CNTNAP5: variants seen among roughly 807,000 people sequenced by gnomAD.
CNTNAP5 encodes the protein contactin associated protein family member 5, also known as contactin-associated protein-like 5.
Under a neutral mutation model 150.2 loss-of-function variants are expected in CNTNAP5, and 72 were observed. The observed-to-expected ratio is 0.48, with a 90% CI of 0.40 to 0.58. The LOEUF (loss-of-function observed/expected upper bound fraction) is 0.58. Ranked by LOEUF, CNTNAP5 falls within the 20% of genes least tolerant of loss-of-function variation. The pLI is 0.00. For missense variants in CNTNAP5, 1,636 were observed against 1,626.2 expected (o/e 1.01, Z -0.10); for synonymous variants, 672 against 619.8 (o/e 1.08, Z -1.25).
intron 17 of CNTNAP5, among the ~76,000 whole-genome samples, chr2:124,773,286 A>T (rs1051030106): frequency 6.6e-6 from 1 of 151,964 alleles, no homozygotes; most frequent in African/African-American, 2.4e-5. Context: ...ATGCCCAGGG[A>T]CCCCTTTTGT....
intron 3 of CNTNAP5, among the ~76,000 whole-genome samples, chr2:124,347,860 T>G (rs993050585): frequency 1.2e-4 from 18 of 151,634 alleles, no homozygotes; most frequent in Non-Finnish European, 2.6e-4. Context: ...AGTCTTGCTC[T>G]GTCACCCAGG....
intron 2 of CNTNAP5, among the ~76,000 whole-genome samples, chr2:124,230,907 T>TTC (rs1312005705): frequency 6.6e-6 from 1 of 152,144 alleles, no homozygotes; most frequent in Non-Finnish European, 1.5e-5. Context: ...TGAACCACCC[T>TTC]TCTCTCTTTT....
At chr2:124,898,963 C>A (rs541102490) in intron 21 of CNTNAP5, among the ~76,000 whole-genome samples, 1 of 151,440 alleles carries the variant, frequency 6.6e-6, no homozygotes, top group African/African-American at 2.4e-5. Flanking sequence ...ATTCAAGGGA[C>A]CTATTGTGCA....
At chr2:124,416,359 C>CTT (rs35184768) in intron 3 of CNTNAP5, among the ~76,000 whole-genome samples, 75 of 146,010 alleles carry the variant, frequency 5.1e-4, no homozygotes, top group Middle Eastern at 3.6e-3. Context: ...TGGATTTCCT[C>CTT]TTTTTTTTTT....
chr2:124,762,533 G>C (rs1680980678), intron 14 of CNTNAP5, among the ~76,000 whole-genome samples: 1 of 152,164 alleles, frequency 6.6e-6, no homozygotes, highest in Middle Eastern at 3.4e-3. Context: ...ATTTACCGTA[G>C]ATCAGGCACC....
At chr2:124,888,392 G>A (rs898630600) in intron 21 of CNTNAP5, among the ~76,000 whole-genome samples, 1 of 152,122 alleles carries the variant, frequency 6.6e-6, no homozygotes, top group Non-Finnish European at 1.5e-5. Context: ...ATTGTGCATA[G>A]TGCTATAATG....
At chr2:124,035,043 A>G (rs1429537648) in intron 1 of CNTNAP5, among the ~76,000 whole-genome samples, 1 of 111,860 alleles carries the variant, frequency 8.9e-6, no homozygotes, top group Non-Finnish European at 1.7e-5. Context: ...CCTTCTTCAG[A>G]TATTTATGAA....
chr2:124,210,150 T>C (rs1269475408), intron 1 of CNTNAP5, among the ~76,000 whole-genome samples: 1 of 152,218 alleles, frequency 6.6e-6, no homozygotes, highest in African/African-American at 2.4e-5. Context: ...TGCTCACCTG[T>C]CTTTGGGTAA....
chr2:124,237,752 G>A (rs867931802), intron 2 of CNTNAP5, among the ~76,000 whole-genome samples: 6 of 151,934 alleles, frequency 3.9e-5, no homozygotes, highest in South Asian at 2.1e-4. Context: ...TGGGAGAATC[G>A]CGTCAACCCA....
intron 13 of CNTNAP5, among the ~76,000 whole-genome samples, chr2:124,685,052 T>A (rs1454137): frequency 0.028 from 4,304 of 152,254 alleles, 63 homozygotes; most frequent in Middle Eastern, 0.037. Context: ...GCCATAGGAA[T>A]TAAAACTCTT....
intron 13 of CNTNAP5, among the ~76,000 whole-genome samples, chr2:124,698,271 C>A (rs1251343354): frequency 6.6e-6 from 1 of 151,662 alleles, no homozygotes; most frequent in African/African-American, 2.4e-5. Context: ...GGGAATATTT[C>A]TTGGTCTCTG....
chr2:124,260,288 T>C lies in CNTNAP5; in HGVS notation c.381+17895T>C, dbSNP rs532660070. ...GGGAAAGGATTCCCTGTTTAATAAA[T>C]GGTGCTGGGAAAACTGACTAACCAT... On this transcript the variant is annotated intron_variant, in intron 3 of 23. Transcript: ENST00000682447. Among the ~76,000 whole-genome samples the C allele has an allele frequency of 2.0e-5, 3 of 152,304 alleles. No homozygotes were observed. The East Asian group carries it at 5.8e-4, about 29-fold the overall frequency.
chr2:124,131,852 A>C (rs1373963389), intron 1 of CNTNAP5, among the ~76,000 whole-genome samples: 2 of 152,096 alleles, frequency 1.3e-5, no homozygotes, highest in East Asian at 3.9e-4. Flanking sequence ...AGCTCTTTTT[A>C]GTTGAGTGGG....
chr2:124,432,162 T>G (rs1262444132), intron 4 of CNTNAP5, among the ~76,000 whole-genome samples: 2 of 152,164 alleles, frequency 1.3e-5, no homozygotes, highest in Non-Finnish European at 2.9e-5. Flanking sequence ...AAACCCAAAG[T>G]TCAGATGCAA....
chr2:124,033,984 TC>T (rs1414659265), intron 1 of CNTNAP5, among the ~76,000 whole-genome samples: 2 of 152,084 alleles, frequency 1.3e-5, no homozygotes, highest in African/African-American at 4.8e-5. Context: ...ATGTTTTGAA[TC>T]TGGAAGGAGA....
intron 3 of CNTNAP5, among the ~76,000 whole-genome samples, chr2:124,405,058 G>C (rs1021402492): frequency 1.3e-5 from 2 of 151,980 alleles, no homozygotes; most frequent in Admixed American, 1.3e-4. Flanking sequence ...GGGGCGGCTG[G>C]GGAAAAGAGA....
At chr2:124,271,573 T>C (rs1303515902) in intron 3 of CNTNAP5, among the ~76,000 whole-genome samples, 1 of 152,172 alleles carries the variant, frequency 6.6e-6, no homozygotes, top group African/African-American at 2.4e-5. Flanking sequence ...AGGGTCTCTC[T>C]GAAGTTATAC....
At chr2:124,904,986 C>T (rs1356828170) in intron 22 of CNTNAP5, among the ~76,000 whole-genome samples, 1 of 138,282 alleles carries the variant, frequency 7.2e-6, no homozygotes, top group Non-Finnish European at 1.5e-5. Flanking sequence ...AACCATATGA[C>T]TGATGAAGGG....
intron 14 of CNTNAP5, 81 bp from the exon 15 acceptor site, chr2:124,763,591 T>A: frequency 7.0e-7 from 1 of 1,422,686 alleles, no homozygotes; most frequent in Non-Finnish European, 9.6e-7. Flanking sequence ...CCAAATCACT[T>A]CTGAAAAGAG....
Sources: gnomAD v4.1 joint callset for allele counts (sites outside exome capture counted in the v4.1 genomes callset) on GRCh38, gnomAD v4.1.1 for gene constraint, MANE v1.5 for transcripts, NCBI Gene and HGNC (gene_info 2026-07-23, HGNC 2026-07-21) for gene names.